The following ZDHHC20 variants were observed in gnomAD, a reference collection of about 807,000 sequenced individuals.
ZDHHC20 encodes zDHHC palmitoyltransferase 20, also known as palmitoyltransferase ZDHHC20.
In ZDHHC20, 43 loss-of-function variants were observed where a neutral mutation model predicts 57.8. That is an observed-to-expected ratio of 0.74 (90% CI 0.58 to 0.96). ZDHHC20 has a LOEUF of 0.96. Ranked by LOEUF, ZDHHC20 falls within the 40% of genes least tolerant of loss-of-function variation. ZDHHC20 has a pLI of 0.00. For missense variants in ZDHHC20, 391 were observed against 441.1 expected, an observed-to-expected ratio of 0.89 and a Z score of 1.02; for synonymous variants, 157 against 153.0, an observed-to-expected ratio of 1.03 and a Z score of -0.19.
At chr13:21,447,564 G>T (rs1398170674) in intron 1 of ZDHHC20, among the ~76,000 whole-genome samples, 3 of 146,810 alleles carry the variant, frequency 2.0e-5, no homozygotes, top group African/African-American at 7.5e-5. Flanking sequence ...GATTGCAGAG[G>T]GAGTCTCGTT....
chr13:21,391,817 A>G lies in ZDHHC20; in HGVS notation c.632T>C (p.Leu211Pro). ...LTDTRAKFHV[L>P]FLFFVSAMFF... Reference sequence around the variant, plus strand: ...CATTGCAGACACAAAGAAAAGAAAAAGTACGTGGAATTTTGCACGTGTATC... The same window carrying G: ...CATTGCAGACACAAAGAAAAGAAAAGGTACGTGGAATTTTGCACGTGTATC... Residue 211 changes from leucine to proline, a missense_variant, in exon 8 of 13, where the codon CTT becomes CCT. Transcript: ENST00000400590. The G allele has an allele frequency of 3.1e-6, 5 of 1,613,222 alleles. No homozygotes were observed. Among genetic ancestry groups the G allele is most frequent in the South Asian group, 1.1e-5 (1 of 90,750 alleles).
Position 21,376,591 on chromosome 13 carries a change from C to A in ZDHHC20, c.*105G>T. 7.7e-7 allele frequency: 1 copy of A among 1,291,052 alleles called. No individual in the cohort carries two copies. Among genetic ancestry groups the A allele is most frequent in the South Asian group, 1.5e-5 (1 of 67,146 alleles). 80.0% of individuals were successfully genotyped at this position (1,291,052 alleles called of 1,614,324 possible). On this transcript the variant is annotated 3_prime_UTR_variant, in exon 13 of 13. Coordinates refer to ENST00000400590, the MANE Select transcript of ZDHHC20 (RefSeq NM_001330059.2). ...ATCTTCTGTTATACTTCAGTTATTT[C>A]ATTCCACTGATCATTTTCTTGCAAA...
In ZDHHC20 at chr13:21,374,918, G is replaced by A. The variant is rs1461773700; in HGVS notation, c.*1778C>T. The A allele has an allele frequency of 6.0e-6, 2 of 335,926 alleles. No individual in the cohort carries two copies. Among genetic ancestry groups the A allele is most frequent in the Non-Finnish European group, 1.2e-5 (2 of 171,618 alleles). The allele number at this position is 335,926 out of a possible 1,614,324, so 20.8% of individuals were successfully genotyped here. A position where few individuals can be genotyped will look rare whatever the true frequency, so the allele number is the denominator to read the frequency against. Reference sequence around the variant, plus strand: ...GGAAGCTGAGGTGGGTGGATTATTTGAGGTCAGGAGTTAGTGATCAGCCTG... The same window carrying A: ...GGAAGCTGAGGTGGGTGGATTATTTAAGGTCAGGAGTTAGTGATCAGCCTG... On this transcript the variant is annotated 3_prime_UTR_variant, in exon 13 of 13. Transcript: ENST00000400590.
At chr13:21,406,453 T>C (rs1029146688) in intron 4 of ZDHHC20, among the ~76,000 whole-genome samples, 9 of 152,146 alleles carry the variant, frequency 5.9e-5, no homozygotes, top group African/African-American at 1.9e-4. Context: ...GTTACATAGG[T>C]ATACATGTGC....
chr13:21,379,043 C>A (rs956403689), intron 11 of ZDHHC20, among the ~76,000 whole-genome samples: 12 of 152,054 alleles, frequency 7.9e-5, no homozygotes, highest in African/African-American at 2.7e-4. Flanking sequence ...TAGAGACGGG[C>A]CTTAATAGTA....
intron 7 of ZDHHC20, among the ~76,000 whole-genome samples, chr13:21,398,332 C>T (rs1262883866): frequency 2.0e-5 from 3 of 151,922 alleles, no homozygotes; most frequent in Admixed American, 6.6e-5. Flanking sequence ...GGCGAGGTGC[C>T]GGGTGCCTGT....
chr13:21,449,088 C>T (rs1228973458), intron 1 of ZDHHC20, among the ~76,000 whole-genome samples: 1 of 133,870 alleles, frequency 7.5e-6, no homozygotes, highest in Middle Eastern at 3.2e-3. Context: ...TGCGGAAGGC[C>T]GCAGGGTCCT....
Position 21,402,846 on chromosome 13 carries a change from AT to A in ZDHHC20, c.390del (p.Lys130AsnfsTer4). The A allele has an allele frequency of 6.3e-7, 1 of 1,595,438 alleles. No homozygotes were observed. The highest frequency in any genetic ancestry group is 1.7e-5 in the Admixed American group (1 of 57,208). ...GCCCGATCAGGTTTAATCAGCTGACATTTTTCACAATATCTGATAGCTACAT... is the reference window on the plus strand; with the variant it reads ...GCCCGATCAGGTTTAATCAGCTGACATTTTCACAATATCTGATAGCTACAT... ...SASKTIRYCE[K>X]CQLIKPDRAH... On this transcript the variant is annotated frameshift_variant, in exon 5 of 13. Transcript: ENST00000400590. LOFTEE classifies it high-confidence loss of function.
At chr13:21,408,594 AC>A (rs1220555584) in intron 4 of ZDHHC20, among the ~76,000 whole-genome samples, 1 of 152,084 alleles carries the variant, frequency 6.6e-6, no homozygotes, top group Non-Finnish European at 1.5e-5. Context: ...CTATTTGAAT[AC>A]CCTTTATTTC....
Position 21,457,126 on chromosome 13 carries a change from C to A in ZDHHC20, c.118+1928G>T, listed in dbSNP as rs118031052. The stretch of plus-strand genomic sequence containing the variant: ...GGCACTTCTCAATTCATGTTCATTT[C>A]TCCTTCTTTATTTGAAGTGGTGAAA... On this transcript the variant is annotated intron_variant, in intron 1 of 12. Coordinates refer to ENST00000400590, the MANE Select transcript of ZDHHC20 (RefSeq NM_001330059.2). Among the ~76,000 whole-genome samples, 494 of 152,330 alleles carry A rather than the reference C, an allele frequency of 3.2e-3. 1 individual carries two copies. The highest frequency in any genetic ancestry group is 5.5e-3 in the Non-Finnish European group (376 of 68,028).
At chr13:21,440,154 T>G (rs565888114) in intron 1 of ZDHHC20, among the ~76,000 whole-genome samples, 43 of 150,028 alleles carry the variant, frequency 2.9e-4, no homozygotes, top group Non-Finnish European at 4.3e-4. Flanking sequence ...GGGCATTAGC[T>G]CTACAACTTA....
chr13:21,373,647 C>T lies in ZDHHC20; in HGVS notation c.*3049G>A, dbSNP rs926816702. 2.0e-5 allele frequency: 3 copies of T among 152,198 alleles called. No individual in the cohort carries two copies. The highest frequency in any genetic ancestry group is 4.8e-5 in the African/African-American group (2 of 41,452). 9.4% of individuals were successfully genotyped at this position (152,198 alleles called of 1,614,324 possible). On this transcript the variant is annotated 3_prime_UTR_variant, in exon 13 of 13. Coordinates refer to ENST00000400590, the MANE Select transcript of ZDHHC20 (RefSeq NM_001330059.2). ...TTTGTCTGTAATGGCAATGGCAAGA[C>T]CTGAACTTCAACTTTATTTTTCTTA...
chr13:21,429,957 CTTCTAT>C (rs1299058965), intron 1 of ZDHHC20, among the ~76,000 whole-genome samples: 1 of 152,046 alleles, frequency 6.6e-6, no homozygotes, highest in Non-Finnish European at 1.5e-5. Context: ...TTCTTTACAT[CTTCTAT>C]TTCTTTGTTG....
At chr13:21,387,203 A>G (rs543207217) in intron 9 of ZDHHC20, among the ~76,000 whole-genome samples, 2 of 152,338 alleles carry the variant, frequency 1.3e-5, no homozygotes, top group South Asian at 4.1e-4. Flanking sequence ...GCTAATAACT[A>G]TAAATTTTTA....
intron 1 of ZDHHC20, among the ~76,000 whole-genome samples, chr13:21,447,794 G>A (rs1883918073): frequency 1.1e-5 from 1 of 89,330 alleles, no homozygotes; most frequent in African/African-American, 3.7e-5. Flanking sequence ...TCTGGAAAGT[G>A]AGGAGTGTCT....
chr13:21,450,078 T>C lies in ZDHHC20; in HGVS notation c.118+8976A>G, dbSNP rs140640507. ...TGACAGAACAAGCTGATTATCCAGA[T>C]GGAGAATGACTTTTCAACCCAAGAA... is the stretch of plus-strand genomic sequence containing the variant. On this transcript the variant is annotated intron_variant, in intron 1 of 12. Coordinates refer to ENST00000400590, the MANE Select transcript of ZDHHC20 (RefSeq NM_001330059.2). Among the ~76,000 whole-genome samples the C allele has an allele frequency of 1.6e-3, 247 of 152,116 alleles. 4 individuals are homozygous for C. In the East Asian group the frequency reaches 0.043, roughly 27 times the overall value.
intron 3 of ZDHHC20, among the ~76,000 whole-genome samples, chr13:21,414,722 G>A (rs1391630121): frequency 6.6e-6 from 1 of 151,708 alleles, no homozygotes; most frequent in Non-Finnish European, 1.5e-5. Flanking sequence ...TGTGTGGCCA[G>A]CCTCTGGTTC....
intron 4 of ZDHHC20, among the ~76,000 whole-genome samples, chr13:21,408,005 T>C (rs1878694844): frequency 6.6e-6 from 1 of 152,200 alleles, no homozygotes; most frequent in Admixed American, 6.5e-5. Context: ...AATACCATGC[T>C]GTTTTGGTTA....
At chr13:21,448,291 G>A (rs112015042) in intron 1 of ZDHHC20, among the ~76,000 whole-genome samples, 110 of 89,696 alleles carry the variant, frequency 1.2e-3, no homozygotes, top group Non-Finnish European at 2.6e-3. Context: ...CCCTCTGCCC[G>A]GCCAGCCGCC....
Sources: gnomAD v4.1 joint callset for allele counts (sites outside exome capture counted in the v4.1 genomes callset) on GRCh38, gnomAD v4.1.1 for gene constraint, MANE v1.5 for transcripts, NCBI Gene and HGNC (gene_info 2026-07-23, HGNC 2026-07-21) for gene names.